Variants in RORA observed in about 807,000 individuals in gnomAD.
RORA encodes nuclear receptor ROR-alpha.
A neutral mutation model predicts 69.5 loss-of-function variants in RORA; 7 were observed. The ratio of observed to expected loss-of-function variants is 0.10; its 90% CI spans 0.06 to 0.19. The LOEUF is 0.19. Ranked by LOEUF, RORA falls within the 10% of genes least tolerant of loss-of-function variation. The probability of loss-of-function intolerance (pLI) is 1.00; values close to 1 mark genes in which losing one functional copy is unlikely to be tolerated. For synonymous variants in RORA, 261 were observed against 240.8 expected (o/e 1.08, Z -0.78); for missense variants, 457 against 663.0 (o/e 0.69, Z 3.41).
At chr15:60,884,573 G>A (rs574744170) in intron 1 of RORA, among the ~76,000 whole-genome samples, 226 of 152,288 alleles carry the variant, frequency 1.5e-3, no homozygotes, top group Middle Eastern at 6.8e-3. Flanking sequence ...GGAAAAAAAT[G>A]AAAGAGGGAT....
intron 1 of RORA, among the ~76,000 whole-genome samples, chr15:61,153,078 C>T (rs2079411556): frequency 6.6e-6 from 1 of 152,020 alleles, no homozygotes; most frequent in African/African-American, 2.4e-5. Flanking sequence ...ATTGATAATC[C>T]TATCAGAAAA....
At position 60,492,643 on chromosome 15, in the gene RORA, A is replaced by G. The variant is rs1203391380; in HGVS notation, c.*4812T>C. The G allele has an allele frequency of 6.6e-6, 1 of 152,154 alleles. No homozygotes were observed. Among genetic ancestry groups the G allele is most frequent in the Non-Finnish European group, 1.5e-5 (1 of 68,010 alleles). 9.4% of individuals were successfully genotyped at this position (152,154 alleles called of 1,614,324 possible). A position where few individuals can be genotyped will look rare whatever the true frequency, so the allele number is the denominator to read the frequency against. On this transcript the variant is annotated 3_prime_UTR_variant, in exon 11 of 11. Transcript: ENST00000335670. ...GTTTTTAACATATGATGCTATATAT[A>G]TATTTATCATGAATATTTTAATTAT...
Position 60,531,790 on chromosome 15 carries a change from A to G in RORA, c.258T>C (p.Gly86=). The G allele has an allele frequency of 6.3e-7, 1 of 1,591,358 alleles. No homozygotes were observed. The highest frequency in any genetic ancestry group is 8.6e-7 in the Non-Finnish European group (1 of 1,169,378). The change falls in exon 3 of 11, where the codon GGT becomes GGC. Residue 86 remains glycine (G), a synonymous_variant. Coordinates refer to ENST00000335670, the MANE Select transcript of RORA (RefSeq NM_134261.3). This position sits in a 1 kb window ranked among gnomAD's most constrained non-coding sequence, Gnocchi z 4.8. ...CGDKSSGIHY[G]VITCEGCKGF... ...CCTTGCAGCCTTCACATGTAATGAC[A>G]CCATAATGGATTCCTGATGATTTGT...
At chr15:60,593,800 T>A (rs2068606968) in intron 2 of RORA, among the ~76,000 whole-genome samples, 1 of 151,966 alleles carries the variant, frequency 6.6e-6, no homozygotes, top group Non-Finnish European at 1.5e-5. Context: ...GCATTCATGA[T>A]GATTAAGCAA....
chr15:60,847,624 A>T (rs543604831), intron 1 of RORA: 3 of 152,272 alleles, frequency 2.0e-5, no homozygotes, highest in African/African-American at 7.2e-5. Context: ...TGGCCAGTCC[A>T]AATTGAGGTA....
intron 1 of RORA, among the ~76,000 whole-genome samples, chr15:60,968,631 T>G (rs60219224): frequency 4.6e-5 from 7 of 151,924 alleles, no homozygotes; most frequent in African/African-American, 1.7e-4. Context: ...TTTAAAAATG[T>G]CAAACTTACA....
chr15:61,159,137 C>T (rs730754), intron 1 of RORA, among the ~76,000 whole-genome samples: 86,667 of 151,950 alleles, frequency 0.57, 25,211 homozygotes, highest in Non-Finnish European at 0.61. Flanking sequence ...CCTTTGTTAA[C>T]TGGAAAATAA....
At chr15:60,910,908 T>G (rs1474936411) in intron 1 of RORA, among the ~76,000 whole-genome samples, 1 of 148,384 alleles carries the variant, frequency 6.7e-6, no homozygotes, top group East Asian at 2.0e-4. Flanking sequence ...TTTTGGGTTT[T>G]TTTTTTTTTT....
chr15:60,730,315 C>T (rs976314092), intron 1 of RORA, among the ~76,000 whole-genome samples: 1 of 152,138 alleles, frequency 6.6e-6, no homozygotes, highest in African/African-American at 2.4e-5. Context: ...TACCAAGGAC[C>T]GTAGGAAATG....
chr15:61,068,318 G>C (rs1265471213), intron 1 of RORA, among the ~76,000 whole-genome samples: 1 of 149,660 alleles, frequency 6.7e-6, no homozygotes, highest in Non-Finnish European at 1.5e-5. Context: ...ATGCTTAACG[G>C]TGTGCACTGT....
At chr15:60,883,342 T>A (rs959919070) in intron 1 of RORA, among the ~76,000 whole-genome samples, 1 of 152,176 alleles carries the variant, frequency 6.6e-6, no homozygotes, top group South Asian at 2.1e-4. Flanking sequence ...GGATTCAGAG[T>A]ATTAAATATC....
At chr15:60,642,579 C>T (rs78585676) in intron 2 of RORA, among the ~76,000 whole-genome samples, 65 of 152,218 alleles carry the variant, frequency 4.3e-4, no homozygotes, top group East Asian at 3.7e-3. Context: ...TGCACACTTC[C>T]GGGAAGCTCT....
At chr15:61,032,020 G>A (rs565993423) in intron 1 of RORA, among the ~76,000 whole-genome samples, 4 of 152,306 alleles carry the variant, frequency 2.6e-5, no homozygotes, top group East Asian at 3.9e-4. Flanking sequence ...TCTCAAAATA[G>A]TGTCTTTTTG....
At chr15:60,808,568 C>T (rs1046982601) in intron 1 of RORA, among the ~76,000 whole-genome samples, 6 of 151,820 alleles carry the variant, frequency 4.0e-5, no homozygotes, top group Non-Finnish European at 5.9e-5. Context: ...TAGGTATCTA[C>T]GCAGAGGAAA....
At chr15:60,716,861 C>T (rs1473237859) in intron 1 of RORA, among the ~76,000 whole-genome samples, 1 of 152,190 alleles carries the variant, frequency 6.6e-6, no homozygotes, top group African/African-American at 2.4e-5. Flanking sequence ...AGCTCCGTTC[C>T]CCTTCCCCCA....
chr15:60,671,090 A>G (rs1282104121), intron 2 of RORA, among the ~76,000 whole-genome samples: 1 of 96,340 alleles, frequency 1.0e-5, no homozygotes, highest in African/African-American at 3.7e-5. Flanking sequence ...ATATATATAT[A>G]TATATATCTG....
chr15:61,141,043 T>C (rs1354449545), intron 1 of RORA, among the ~76,000 whole-genome samples: 5 of 152,180 alleles, frequency 3.3e-5, no homozygotes, highest in Non-Finnish European at 7.3e-5. Flanking sequence ...TACCCTTATC[T>C]GTTAGTATCA....
At chr15:60,586,032 CT>C (rs1282384975) in intron 2 of RORA, among the ~76,000 whole-genome samples, 1 of 152,156 alleles carries the variant, frequency 6.6e-6, no homozygotes. Context: ...TGAAATGCTT[CT>C]AATGTTCCTT....
chr15:60,828,412 G>A (rs2072994748), intron 1 of RORA, among the ~76,000 whole-genome samples: 4 of 152,218 alleles, frequency 2.6e-5, no homozygotes, highest in Admixed American at 2.6e-4. Context: ...CTATGAGGAG[G>A]ACAAGGGAAG....
Sources: allele counts gnomAD v4.1 joint callset (sites outside exome capture counted in the v4.1 genomes callset), GRCh38; gene constraint gnomAD v4.1.1; non-coding constraint Gnocchi (gnomAD v3.1); transcripts MANE v1.5; gene names NCBI Gene and HGNC (gene_info 2026-07-23, HGNC 2026-07-21).